Variants in MYO5B observed in about 807,000 individuals in gnomAD.
The protein encoded by MYO5B is myosin VB, also known as unconventional myosin-Vb.
A neutral mutation model predicts 229.3 loss-of-function variants in MYO5B; 143 were observed. That is an observed-to-expected ratio of 0.62 (90% confidence interval 0.54 to 0.72). The LOEUF is 0.72. Ranked by LOEUF, MYO5B falls within the 30% of genes least tolerant of loss-of-function variation. The pLI, the probability that MYO5B is intolerant of heterozygous loss-of-function variation, is 0.00. For synonymous variants in MYO5B, 918 were observed against 885.2 expected, an observed-to-expected ratio of 1.04 and a Z score of -0.66; for missense variants, 2,321 against 2,331.0, an observed-to-expected ratio of 1.00 and a Z score of 0.09.
chr18:50,018,641 G>C (rs2026242120), intron 4 of MYO5B, among the ~76,000 whole-genome samples: 1 of 152,146 alleles, frequency 6.6e-6, no homozygotes, highest in East Asian at 1.9e-4. Context: ...TACAGATAAG[G>C]AAACAGAGAG....
intron 1 of MYO5B, among the ~76,000 whole-genome samples, chr18:50,120,186 T>C (rs1188645419): frequency 1.3e-5 from 2 of 152,254 alleles, no homozygotes; most frequent in African/African-American, 4.8e-5. Context: ...TTAATGCCTT[T>C]TGGGGGCCAG....
In MYO5B at chr18:49,845,317, A is replaced by C. The variant is rs1369448995; in HGVS notation, c.4459+1829T>G. 2.6e-5 allele frequency among the ~76,000 whole-genome samples: 4 copies of C among 152,226 alleles called. No homozygotes were observed. The East Asian group carries it at 7.7e-4, about 29-fold the overall frequency. ...TTTAAAAGAGCAAAATACATCTAAG[A>C]AGCAGGCTACTAAAAACACACAAAC... On this transcript the variant is annotated intron_variant, in intron 33 of 39. Transcript: ENST00000285039.
chr18:49,837,579 C>T lies in MYO5B; in HGVS notation c.5076G>A (p.Val1692=). The change falls in exon 37 of 40, where the codon GTG becomes GTA. Residue 1692 remains valine (V), a synonymous_variant. Coordinates refer to ENST00000285039, the MANE Select transcript of MYO5B (RefSeq NM_001080467.3). ...FKQLFYMINA[V]TLNNLLLRKD... ...TCCGCAAGAGCAGGTTGTTAAGAGTCACTGCGTTGATCATGTAGAAGAGCT... is the reference window on the plus strand; with the variant it reads ...TCCGCAAGAGCAGGTTGTTAAGAGTTACTGCGTTGATCATGTAGAAGAGCT... 1 of 1,613,966 alleles carries T rather than the reference C, an allele frequency of 6.2e-7. No individual in the cohort carries two copies. Among genetic ancestry groups the T allele is most frequent in the Non-Finnish European group, 8.5e-7 (1 of 1,179,864 alleles).
chr18:49,920,701 G>A (rs1208824731), intron 17 of MYO5B, among the ~76,000 whole-genome samples: 1 of 152,156 alleles, frequency 6.6e-6, no homozygotes, highest in African/African-American at 2.4e-5. Context: ...TTACCCAGGG[G>A]GCAACACATG....
chr18:50,149,766 C>T (rs143035602), intron 1 of MYO5B, among the ~76,000 whole-genome samples: 2,754 of 150,890 alleles, frequency 0.018, 67 homozygotes, highest in African/African-American at 0.059. Context: ...ATTCAGGACA[C>T]AGGCACGGGC....
At chr18:49,966,535 C>A (rs1300198967) in intron 10 of MYO5B, among the ~76,000 whole-genome samples, 4 of 152,152 alleles carry the variant, frequency 2.6e-5, no homozygotes, top group Non-Finnish European at 5.9e-5. Context: ...GGCAGCCAAG[C>A]CCCAGAGGAA....
At chr18:50,025,123 G>A (rs2026317123) in intron 4 of MYO5B, among the ~76,000 whole-genome samples, 1 of 152,150 alleles carries the variant, frequency 6.6e-6, no homozygotes, top group Non-Finnish European at 1.5e-5. Context: ...CTGCTCTATA[G>A]ATAACAACTT....
At chr18:50,157,764 G>A (rs2032704089) in intron 1 of MYO5B, among the ~76,000 whole-genome samples, 1 of 152,164 alleles carries the variant, frequency 6.6e-6, no homozygotes, top group Non-Finnish European at 1.5e-5. Flanking sequence ...TTACCTGTGT[G>A]GTGATTTAAT....
At chr18:49,991,647 G>A (rs1655375048) in intron 6 of MYO5B, among the ~76,000 whole-genome samples, 1 of 152,124 alleles carries the variant, frequency 6.6e-6, no homozygotes, top group African/African-American at 2.4e-5. Flanking sequence ...ACACAGGGAG[G>A]GGAACATCAA....
At chr18:49,908,795 C>G (rs756352709) in intron 18 of MYO5B, among the ~76,000 whole-genome samples, 10 of 152,192 alleles carry the variant, frequency 6.6e-5, no homozygotes, top group Non-Finnish European at 1.3e-4. Flanking sequence ...AACCCTCACA[C>G]TAACCCCTCC....
chr18:49,978,031 A>T (rs1157534204), intron 9 of MYO5B, among the ~76,000 whole-genome samples: 1 of 152,192 alleles, frequency 6.6e-6, no homozygotes, highest in Non-Finnish European at 1.5e-5. Context: ...TACAGCTCTG[A>T]TTGCAGAACA....
chr18:49,834,800 G>A (rs918737953), intron 39 of MYO5B, among the ~76,000 whole-genome samples: 23 of 151,882 alleles, frequency 1.5e-4, no homozygotes, highest in East Asian at 1.9e-4. Context: ...CACCACGCCC[G>A]GCTAATTTTT....
chr18:49,905,380 C>T (rs527328759), intron 19 of MYO5B, among the ~76,000 whole-genome samples: 2 of 152,164 alleles, frequency 1.3e-5, no homozygotes, highest in Admixed American at 6.5e-5. Context: ...ATTTCCTCTC[C>T]TCTCTTGCCT....
rs540033618 is a variant in MYO5B at position 50,001,029 on chromosome 18, G to A, written c.612+226C>T. On this transcript the variant is annotated intron_variant, in intron 5 of 39. Coordinates refer to ENST00000285039, the MANE Select transcript of MYO5B (RefSeq NM_001080467.3). The stretch of plus-strand genomic sequence containing the variant: ...TCACTACAGCATTCAGCAGAGTCAA[G>A]GGACATGGAGAATATGAGGACACTC... Among the ~76,000 whole-genome samples the A allele has an allele frequency of 3.3e-5, 5 of 152,186 alleles. No homozygotes were observed. The East Asian group carries it at 9.6e-4, about 29-fold the overall frequency.
At chr18:50,106,741 A>G (rs2031768061) in intron 1 of MYO5B, among the ~76,000 whole-genome samples, 1 of 152,220 alleles carries the variant, frequency 6.6e-6, no homozygotes, top group African/African-American at 2.4e-5. Flanking sequence ...TCCACATGTC[A>G]GACAATTCAT....
At chr18:50,017,227 C>A (rs2026225303) in intron 4 of MYO5B, among the ~76,000 whole-genome samples, 1 of 152,196 alleles carries the variant, frequency 6.6e-6, no homozygotes. Flanking sequence ...AAGTGATTCT[C>A]CCGCCTCAGC....
At chr18:50,084,096 A>G (rs1210470352) in intron 1 of MYO5B, among the ~76,000 whole-genome samples, 1 of 152,192 alleles carries the variant, frequency 6.6e-6, no homozygotes, top group Non-Finnish European at 1.5e-5. Flanking sequence ...TTTTCAGAAC[A>G]ATATCTGGCA....
At chr18:50,123,891 C>T (rs1193634406) in intron 1 of MYO5B, among the ~76,000 whole-genome samples, 1 of 152,192 alleles carries the variant, frequency 6.6e-6, no homozygotes, top group Non-Finnish European at 1.5e-5. Context: ...TTTGTAGCAT[C>T]AAATACTTTA....
chr18:49,988,522 G>A lies in MYO5B; in HGVS notation c.838+1917C>T, dbSNP rs1288542357. 2.0e-5 allele frequency among the ~76,000 whole-genome samples: 3 copies of A among 152,208 alleles called. No homozygotes were observed. In the East Asian group the frequency reaches 5.8e-4, roughly 29 times the overall value. On this transcript the variant is annotated intron_variant, in intron 7 of 39. Coordinates refer to ENST00000285039, the MANE Select transcript of MYO5B (RefSeq NM_001080467.3). The stretch of plus-strand genomic sequence containing the variant: ...CATGTTTAACCTCAATATGACTCAT[G>A]TAACTGAAAAAGAAATTTAGGAGGA...
Sources: gnomAD v4.1 joint callset for allele counts (sites outside exome capture counted in the v4.1 genomes callset) on GRCh38, gnomAD v4.1.1 for gene constraint, MANE v1.5 for transcripts, NCBI Gene and HGNC (gene_info 2026-07-23, HGNC 2026-07-21) for gene names.